The following CDKAL1 variants were observed in gnomAD, a reference collection of about 807,000 sequenced individuals.
CDKAL1 encodes threonylcarbamoyladenosine tRNA methylthiotransferase.
Under a neutral mutation model 68.2 loss-of-function variants are expected in CDKAL1, and 32 were observed. The ratio of observed to expected loss-of-function variants is 0.47; its 90% CI spans 0.35 to 0.63. The LOEUF (loss-of-function observed/expected upper bound fraction) is 0.63. Among genes scored for constraint, CDKAL1 ranks in the 30% least tolerant of loss-of-function variants. The pLI, the probability that CDKAL1 is intolerant of heterozygous loss-of-function variation, is 0.00. For synonymous variants in CDKAL1, 234 were observed against 244.3 expected, an observed-to-expected ratio of 0.96 and a Z score of 0.39; for missense variants, 606 against 696.7, an observed-to-expected ratio of 0.87 and a Z score of 1.47.
At position 21,207,957 on chromosome 6, in the gene CDKAL1, A is replaced by C. The variant is rs556129612; in HGVS notation, c.1548+6683A>C. On this transcript the variant is annotated intron_variant, in intron 15 of 15. Coordinates refer to ENST00000274695, the MANE Select transcript of CDKAL1 (RefSeq NM_017774.3). ...AAATTAACAGAAGGAGATTCCAATA[A>C]TACTACTACAGCGTTGGCCATTCTT... Among the ~76,000 whole-genome samples, 108 of 152,256 alleles carry C rather than the reference A, an allele frequency of 7.1e-4. 1 individual carries two copies. The highest frequency in any genetic ancestry group is 2.6e-3 in the African/African-American group (106 of 41,542).
intron 4 of CDKAL1, chr6:20,558,866 C>G: frequency 3.2e-6 from 1 of 308,588 alleles, no homozygotes; most frequent in South Asian, 2.9e-5. Flanking sequence ...TGAGCTCAAC[C>G]AATCCACCTG....
chr6:21,147,520 T>A lies in CDKAL1; in HGVS notation c.1299+39057T>A, dbSNP rs1432418692. On this transcript the variant is annotated intron_variant, in intron 13 of 15. Coordinates refer to ENST00000274695, the MANE Select transcript of CDKAL1 (RefSeq NM_017774.3). The stretch of plus-strand genomic sequence containing the variant: ...GTAGCTCTGTGTCCATTGTCCACTG[T>A]TAATTCACAAGAGCCTTGATAGTGA... 3.3e-5 allele frequency among the ~76,000 whole-genome samples: 5 copies of A among 152,310 alleles called. No homozygotes were observed. The South Asian group carries it at 8.3e-4, about 25-fold the overall frequency.
At chr6:20,941,072 C>G (rs186185447) in intron 9 of CDKAL1, among the ~76,000 whole-genome samples, 1 of 148,390 alleles carries the variant, frequency 6.7e-6, no homozygotes, top group Non-Finnish European at 1.5e-5. Flanking sequence ...GGGCGACAGA[C>G]GGAGCAAGAC....
chr6:21,125,734 A>G (rs1160306830), intron 13 of CDKAL1, among the ~76,000 whole-genome samples: 1 of 152,242 alleles, frequency 6.6e-6, no homozygotes, highest in Non-Finnish European at 1.5e-5. Context: ...AGTCTCGGGC[A>G]GTTCTTTATA....
At chr6:20,669,405 A>T (rs1252476119) in intron 5 of CDKAL1, among the ~76,000 whole-genome samples, 2 of 151,904 alleles carry the variant, frequency 1.3e-5, no homozygotes, top group African/African-American at 4.8e-5. Flanking sequence ...ATGGTTCTTT[A>T]TTTTTTGAGA....
At chr6:20,629,235 T>G (rs1767566175) in intron 4 of CDKAL1, among the ~76,000 whole-genome samples, 1 of 152,182 alleles carries the variant, frequency 6.6e-6, no homozygotes, top group South Asian at 2.1e-4. Flanking sequence ...TTCTCATGAG[T>G]AGGTTCAAGT....
chr6:20,636,189 C>A lies in CDKAL1; in HGVS notation c.287-13104C>A, dbSNP rs534847766. 8.5e-5 allele frequency among the ~76,000 whole-genome samples: 13 copies of A among 152,212 alleles called. No homozygotes were observed. The South Asian group carries it at 2.5e-3, about 29-fold the overall frequency. On this transcript the variant is annotated intron_variant, in intron 4 of 15. Transcript: ENST00000274695. ...CAAGGTCAGAGAGACCTTCCTGCTT[C>A]TGCTATTTTTCAGATCTCTTCCATT...
chr6:20,565,344 T>C (rs530425329), intron 4 of CDKAL1, among the ~76,000 whole-genome samples: 2 of 152,288 alleles, frequency 1.3e-5, no homozygotes, highest in East Asian at 3.9e-4. Flanking sequence ...CAATATAATT[T>C]GTATGTTTCA....
intron 10 of CDKAL1, among the ~76,000 whole-genome samples, chr6:20,990,568 T>C (rs747706844): frequency 1.3e-5 from 2 of 152,258 alleles, no homozygotes; most frequent in African/African-American, 2.4e-5. Flanking sequence ...CAAATGTAAA[T>C]TAGAATCTGT....
At chr6:20,999,488 G>A (rs1487103057) in intron 10 of CDKAL1, among the ~76,000 whole-genome samples, 2 of 151,716 alleles carry the variant, frequency 1.3e-5, no homozygotes, top group Non-Finnish European at 2.9e-5. Flanking sequence ...TCACTTAAAT[G>A]TATTCTCTTT....
intron 7 of CDKAL1, 66 bp from the exon 8 acceptor site, chr6:20,781,079 G>A (rs999392160): frequency 1.3e-6 from 2 of 1,498,402 alleles, no homozygotes; most frequent in African/African-American, 2.8e-5. Context: ...CACATTTGTT[G>A]AAAGCGTTAA....
intron 5 of CDKAL1, among the ~76,000 whole-genome samples, chr6:20,682,632 C>G (rs2127793641): frequency 6.6e-6 from 1 of 152,202 alleles, no homozygotes; most frequent in East Asian, 1.9e-4. Context: ...CCCATCAGGC[C>G]CCTCCTCCAA....
intron 5 of CDKAL1, among the ~76,000 whole-genome samples, chr6:20,686,087 T>G (rs1422232875): frequency 1.3e-5 from 2 of 149,392 alleles, no homozygotes; most frequent in Admixed American, 6.6e-5. Flanking sequence ...TTTTAAGGTT[T>G]TTTTTTTTTT....
chr6:20,735,837 C>G (rs907239249), intron 5 of CDKAL1, among the ~76,000 whole-genome samples: 5 of 152,188 alleles, frequency 3.3e-5, no homozygotes, highest in African/African-American at 1.2e-4. Flanking sequence ...GTCATAGTAT[C>G]ATTGGTTCTT....
intron 12 of CDKAL1, among the ~76,000 whole-genome samples, chr6:21,079,421 G>A (rs1335108892): frequency 6.6e-6 from 1 of 152,182 alleles, no homozygotes; most frequent in Non-Finnish European, 1.5e-5. Flanking sequence ...GATAGAGTTG[G>A]AAACTAGTAA....
chr6:21,230,724 A>T, intron 15 of CDKAL1, 124 bp from the exon 16 acceptor site: 1 of 696,492 alleles, frequency 1.4e-6, no homozygotes, highest in Non-Finnish European at 2.2e-6. Context: ...GGGTGTTCAA[A>T]CGTGTCTCTG....
Position 21,230,838 on chromosome 6 carries a change from C to G in CDKAL1, c.1549-10C>G. 5 of 1,563,140 alleles carry G rather than the reference C, an allele frequency of 3.2e-6. No homozygotes were observed. Among genetic ancestry groups the G allele is most frequent in the Non-Finnish European group, 4.3e-6 (5 of 1,149,826 alleles). On this transcript the variant is annotated splice_polypyrimidine_tract_variant and intron_variant, in intron 15 of 15. Coordinates refer to ENST00000274695, the MANE Select transcript of CDKAL1 (RefSeq NM_017774.3). ...AAAAATAATTTTTTCCTCTGTTTCT[C>G]TCTTTATAGGACTTCAGAAATGGGC...
At chr6:21,053,315 A>G (rs1770642988) in intron 11 of CDKAL1, among the ~76,000 whole-genome samples, 1 of 152,102 alleles carries the variant, frequency 6.6e-6, no homozygotes. Flanking sequence ...GCTCTTTTTT[A>G]TTTGTAAGTA....
chr6:20,635,286 G>C (rs1410272615), intron 4 of CDKAL1, among the ~76,000 whole-genome samples: 1 of 152,098 alleles, frequency 6.6e-6, no homozygotes, highest in African/African-American at 2.4e-5. Context: ...TTTTACTCCG[G>C]GTGGTGTCCC....
Sources: allele counts gnomAD v4.1 joint callset (sites outside exome capture counted in the v4.1 genomes callset), GRCh38; gene constraint gnomAD v4.1.1; transcripts MANE v1.5; gene names NCBI Gene and HGNC (gene_info 2026-07-23, HGNC 2026-07-21).